Variants in CDKL2 observed in about 807,000 individuals in gnomAD.
CDKL2 encodes the protein cyclin dependent kinase like 2.
CDKL2 carries 64 observed loss-of-function variants against 63.9 expected under a neutral mutation model. The ratio of observed to expected loss-of-function variants is 1.00; its 90% confidence interval spans 0.82 to 1.23. The LOEUF is 1.23. CDKL2 is among the 50% of genes most tolerant of loss of function. The probability of loss-of-function intolerance (pLI) is 0.00; values close to 1 mark genes in which losing one functional copy is unlikely to be tolerated. For missense variants in CDKL2, 656 were observed against 668.0 expected (o/e 0.98, Z 0.20); for synonymous variants, 211 against 229.2 (o/e 0.92, Z 0.72).
intron 12 of CDKL2, among the ~76,000 whole-genome samples, chr4:75,590,668 T>C (rs966013463): frequency 6.6e-6 from 1 of 152,160 alleles, no homozygotes; most frequent in Middle Eastern, 3.4e-3. Flanking sequence ...TGAGCTGAGA[T>C]TGTGCCACTG....
intron 12 of CDKL2, among the ~76,000 whole-genome samples, chr4:75,587,903 CAAA>C (rs72495158): frequency 1.4e-4 from 12 of 83,746 alleles, no homozygotes; most frequent in Admixed American, 5.7e-4. Context: ...GATTCTGTCT[CAAA>C]AAAAAAAAAA....
chr4:75,589,163 C>G (rs1728593564), intron 12 of CDKL2, among the ~76,000 whole-genome samples: 1 of 152,154 alleles, frequency 6.6e-6, no homozygotes, highest in Non-Finnish European at 1.5e-5. Context: ...TGAGATGCCA[C>G]TTCACACCTA....
At position 75,605,079 on chromosome 4, in the gene CDKL2, C is replaced by A. The variant is rs528378124; in HGVS notation, c.655+443G>T. Reference sequence around the variant, plus strand: ...AAATTAAAACACACACGTGGCTGGGCGCGGTGGCTCACGCCTGTAATCCTA... The same window carrying A: ...AAATTAAAACACACACGTGGCTGGGAGCGGTGGCTCACGCCTGTAATCCTA... On this transcript the variant is annotated intron_variant, in intron 5 of 13. Transcript: ENST00000307465. 3.3e-5 allele frequency among the ~76,000 whole-genome samples: 5 copies of A among 152,312 alleles called. No individual in the cohort carries two copies. In the South Asian group the frequency reaches 1.0e-3, roughly 32 times the overall value.
intron 3 of CDKL2, among the ~76,000 whole-genome samples, chr4:75,610,321 G>A (rs560478432): frequency 3.6e-4 from 55 of 152,060 alleles, no homozygotes; most frequent in Admixed American, 5.2e-4. Flanking sequence ...CTATCCTCTC[G>A]GCCCACAAAT....
At chr4:75,593,898 T>C (rs1046108385) in intron 10 of CDKL2, among the ~76,000 whole-genome samples, 2 of 152,034 alleles carry the variant, frequency 1.3e-5, no homozygotes, top group African/African-American at 4.8e-5. Flanking sequence ...ACAAGGAATA[T>C]TCCTTTGGGA....
intron 2 of CDKL2, among the ~76,000 whole-genome samples, chr4:75,625,433 A>G (rs1403679628): frequency 6.6e-6 from 1 of 152,194 alleles, no homozygotes; most frequent in Non-Finnish European, 1.5e-5. Flanking sequence ...CTGTTCCTAC[A>G]GGAAAATGTA....
intron 3 of CDKL2, among the ~76,000 whole-genome samples, chr4:75,608,042 G>T (rs963118399): frequency 2.2e-4 from 33 of 150,624 alleles, no homozygotes; most frequent in African/African-American, 7.6e-4. Flanking sequence ...TCGATCTCCT[G>T]ACCTCCTCGT....
rs1394472618 is a variant in CDKL2, at chr4:75,578,718, C to A, written c.*484G>T. On this transcript the variant is annotated 3_prime_UTR_variant, in exon 14 of 14. Transcript: ENST00000307465. ...GTTTCTTCAATTTTCTTCAACTGAT[C>A]CTAATTTTTATCACCTACCCCCAAG... 1 of 152,520 alleles carries A rather than the reference C, an allele frequency of 6.6e-6. No homozygotes were observed. The highest frequency in any genetic ancestry group is 2.4e-5 in the African/African-American group (1 of 41,404). The allele number at this position is 152,520 out of a possible 1,614,324, so 9.4% of individuals were successfully genotyped here.
At chr4:75,593,265 A>T (rs1319501579) in intron 10 of CDKL2, among the ~76,000 whole-genome samples, 1 of 151,914 alleles carries the variant, frequency 6.6e-6, no homozygotes, top group Non-Finnish European at 1.5e-5. Flanking sequence ...AATAAAATTT[A>T]AAAATGAGTT....
chr4:75,603,828 C>T lies in CDKL2; in HGVS notation c.784G>A (p.Asp262Asn), dbSNP rs755903690. 9 of 1,543,684 alleles carry T rather than the reference C, an allele frequency of 5.8e-6. No individual in the cohort carries two copies. The highest frequency in any genetic ancestry group is 7.9e-6 in the Non-Finnish European group (9 of 1,139,454). ...RYPKLSEVVI[D>N]LAKKCLHIDP... ...ATAAGTATGATTACCTTTGCTAAAT[C>T]TATCACCACTTCAGAGAGCTTAGGA... Residue 262 changes from aspartate (D) to asparagine (N), a missense_variant, in exon 6 of 14, where the codon GAT (aspartate) becomes AAT (asparagine). Physicochemically the swap from Asp to Asn is conservative, Grantham distance 23. Coordinates refer to ENST00000307465, the MANE Select transcript of CDKL2 (RefSeq NM_001330724.2).
intron 6 of CDKL2, among the ~76,000 whole-genome samples, chr4:75,603,154 C>G (rs1192184085): frequency 6.7e-6 from 1 of 149,518 alleles, no homozygotes; most frequent in Non-Finnish European, 1.5e-5. Flanking sequence ...CGCCCGCCAC[C>G]GCGCCCGGCT....
rs1461827700 is a variant in CDKL2 at position 75,577,913 on chromosome 4, A to C, written c.*1289T>G. 6.6e-6 allele frequency: 1 copy of C among 152,490 alleles called. No individual in the cohort carries two copies. Among genetic ancestry groups the C allele is most frequent in the African/African-American group, 2.4e-5 (1 of 41,400 alleles). The allele number at this position is 152,490 out of a possible 1,614,324, so 9.4% of individuals were successfully genotyped here. ...AGTATTAAGCTCCTCAGAGTAATAA[A>C]GAAAAGTTCTAGTTAAATTCTTCAG... On this transcript the variant is annotated 3_prime_UTR_variant, in exon 14 of 14. Coordinates refer to ENST00000307465, the MANE Select transcript of CDKL2 (RefSeq NM_001330724.2).
chr4:75,602,057 C>T (rs998921710), intron 6 of CDKL2, among the ~76,000 whole-genome samples: 2 of 152,130 alleles, frequency 1.3e-5, no homozygotes, highest in Admixed American at 1.3e-4. Flanking sequence ...TCAAATACAA[C>T]AAAAAAGTAT....
At chr4:75,629,073 CTG>C (rs1730561667) in intron 1 of CDKL2, among the ~76,000 whole-genome samples, 1 of 135,162 alleles carries the variant, frequency 7.4e-6, no homozygotes, top group African/African-American at 2.9e-5. Flanking sequence ...TTTTAATAAA[CTG>C]TTTGTATTTG....
intron 12 of CDKL2, among the ~76,000 whole-genome samples, chr4:75,583,654 GA>G (rs35323413): frequency 0.24 from 35,966 of 151,998 alleles, 4,606 homozygotes; most frequent in Middle Eastern, 0.36. Flanking sequence ...CAAAGCGGTG[GA>G]AGCCATGGTA....
In CDKL2 at chr4:75,607,315, G is replaced by T; in HGVS notation, c.410C>A (p.Ser137Tyr). Residue 137 changes from serine to tyrosine, a missense_variant, in exon 4 of 14, where the codon TCT (serine) becomes TAT (tyrosine). Ser to Tyr is a moderately radical substitution (Grantham distance 144). Coordinates refer to ENST00000307465, the MANE Select transcript of CDKL2 (RefSeq NM_001330724.2). ...IKPENILVSQ[S>Y]GVVKLCDFGF... The stretch of plus-strand genomic sequence containing the variant: ...AAAATCGCATAGCTTGACAACGCCA[G>T]ACTGGGAGACTAATATATTCTCTGG... 1 of 1,614,038 alleles carries T rather than the reference G, an allele frequency of 6.2e-7. No homozygotes were observed. Among genetic ancestry groups the T allele is most frequent in the Non-Finnish European group, 8.5e-7 (1 of 1,179,912 alleles).
chr4:75,622,733 A>AC (rs1317042791), intron 2 of CDKL2, among the ~76,000 whole-genome samples: 4 of 149,188 alleles, frequency 2.7e-5, no homozygotes, highest in Admixed American at 1.3e-4. Flanking sequence ...AAAAAAAAAA[A>AC]AAAAAAAAAA....
rs559162115 is a variant in CDKL2 at position 75,605,956 on chromosome 4, T to C, written c.543-322A>G. 9.8e-4 allele frequency among the ~76,000 whole-genome samples: 150 copies of C among 152,308 alleles called. 1 individual carries two copies. The Middle Eastern group carries it at 0.031, about 31-fold the overall frequency. On this transcript the variant is annotated intron_variant, in intron 4 of 13. Coordinates refer to ENST00000307465, the MANE Select transcript of CDKL2 (RefSeq NM_001330724.2). ...ACTCCCAATTTTACATAAGTGAGCT[T>C]TCCAGAAACTTCAATCATGTGACAT...
In CDKL2 at chr4:75,614,238, T is replaced by G; in HGVS notation, c.363+17A>C. On this transcript the variant is annotated intron_variant, in intron 3 of 13. Transcript: ENST00000307465. ...ATAAATATGTGATAAAGCAAATTAT[T>G]TAAACCCAATACTTACATTGTGACT... 6.6e-7 allele frequency: 1 copy of G among 1,506,880 alleles called. No homozygotes were observed. The highest frequency in any genetic ancestry group is 1.4e-5 in the African/African-American group (1 of 71,770). The allele number at this position is 1,506,880 out of a possible 1,614,324, so 93.3% of individuals were successfully genotyped here.
Sources: gnomAD v4.1 joint callset for allele counts (sites outside exome capture counted in the v4.1 genomes callset) on GRCh38, gnomAD v4.1.1 for gene constraint, MANE v1.5 for transcripts, NCBI Gene and HGNC (gene_info 2026-07-23, HGNC 2026-07-21) for gene names.